Variants in TET1 observed in about 807,000 individuals in gnomAD.
The protein encoded by TET1 is methylcytosine dioxygenase TET1.
A neutral mutation model predicts 148.7 loss-of-function variants in TET1; 13 were observed. The observed-to-expected ratio is 0.09, with a 90% CI of 0.06 to 0.14. The LOEUF (loss-of-function observed/expected upper bound fraction) is 0.14. TET1 is among the 10% of genes least tolerant of loss of function. TET1 has a pLI of 1.00. For synonymous variants in TET1, 907 were observed against 937.2 expected (o/e 0.97, Z 0.59); for missense variants, 2,182 against 2,553.8 (o/e 0.85, Z 3.14).
intron 2 of TET1, among the ~76,000 whole-genome samples, chr10:68,597,176 G>T (rs909420899): frequency 6.6e-6 from 1 of 151,626 alleles, no homozygotes. Context: ...TGGGACTATA[G>T]GTGCATGCCA....
rs775113262 is a variant in TET1 at position 68,645,512 on chromosome 10, A to G, written c.2783A>G (p.Asn928Ser). The G allele has an allele frequency of 2.5e-6, 4 of 1,613,984 alleles. No homozygotes were observed. Among genetic ancestry groups the G allele is most frequent in the Admixed American group, 3.3e-5 (2 of 60,010 alleles). The change falls in exon 4 of 12, where the codon AAT becomes AGT. Residue 928 changes from asparagine to serine, a missense_variant. Transcript: ENST00000373644. ...ESEQRTASLL[N>S]SCKAILYTVR... The stretch of plus-strand genomic sequence containing the variant: ...GAGCAGAGAACAGCCAGTTTGCTTA[A>G]TAGCTGCAAAGCTATCCTCTACACT...
intron 3 of TET1, chr10:68,632,791 T>A (rs1564980425): frequency 2.4e-6 from 3 of 1,231,798 alleles, no homozygotes; most frequent in Non-Finnish European, 3.5e-6. Flanking sequence ...ATAAAACATT[T>A]CATGTGCAAT....
chr10:68,607,866 G>T (rs1301799581), intron 3 of TET1, among the ~76,000 whole-genome samples: 1 of 149,306 alleles, frequency 6.7e-6, no homozygotes, highest in East Asian at 1.9e-4. Context: ...CATTTTCAAA[G>T]ATTTGATGGT....
intron 1 of TET1, among the ~76,000 whole-genome samples, chr10:68,566,138 G>C (rs1273728456): frequency 2.0e-5 from 3 of 152,150 alleles, no homozygotes; most frequent in Non-Finnish European, 4.4e-5. Context: ...TTTCAAAGCA[G>C]ATCCCATGAC....
At chr10:68,652,845 A>ATTTTTTTT (rs71019047) in intron 6 of TET1, among the ~76,000 whole-genome samples, 1 of 101,214 alleles carries the variant, frequency 9.9e-6, no homozygotes, top group African/African-American at 3.9e-5. Context: ...AACCCGGCTA[A>ATTTTTTTT]TTTTTTTTTT....
At chr10:68,566,637 A>G (rs1368919118) in intron 1 of TET1, among the ~76,000 whole-genome samples, 2 of 152,154 alleles carry the variant, frequency 1.3e-5, no homozygotes. Flanking sequence ...TGTCTATTTT[A>G]AAAGTCTTAA....
At chr10:68,647,095 G>A in intron 4 of TET1, 90 bp downstream of exon 4, 1 of 1,395,288 alleles carries the variant, frequency 7.2e-7, no homozygotes, top group African/African-American at 1.4e-5. Context: ...TTTTTTGTGT[G>A]ATATTTTTTC....
chr10:68,628,633 T>C (rs1020577756), intron 3 of TET1, among the ~76,000 whole-genome samples: 1 of 152,136 alleles, frequency 6.6e-6, no homozygotes, highest in African/African-American at 2.4e-5. Context: ...CTGAAGCTGG[T>C]GAAGAAATGT....
chr10:68,578,159 G>A (rs1040755862), intron 2 of TET1, among the ~76,000 whole-genome samples: 5 of 151,774 alleles, frequency 3.3e-5, no homozygotes, highest in Non-Finnish European at 7.4e-5. Context: ...TGCTGGGCGC[G>A]GTGGCTGGCA....
chr10:68,579,543 A>G (rs961280155), intron 2 of TET1, among the ~76,000 whole-genome samples: 1 of 152,248 alleles, frequency 6.6e-6, no homozygotes, highest in Admixed American at 6.5e-5. Context: ...CACCAGGGAA[A>G]TCAGGAAGCT....
intron 3 of TET1, among the ~76,000 whole-genome samples, chr10:68,642,893 C>T (rs2054780173): frequency 6.6e-6 from 1 of 152,254 alleles, no homozygotes; most frequent in Non-Finnish European, 1.5e-5. Flanking sequence ...GTATGCGCTA[C>T]TGTACCCAGC....
Position 68,574,038 on chromosome 10 carries a change from C to G in TET1, c.1700C>G (p.Pro567Arg). 1 of 1,614,128 alleles carries G rather than the reference C, an allele frequency of 6.2e-7. No homozygotes were observed. Among genetic ancestry groups the G allele is most frequent in the Non-Finnish European group, 8.5e-7 (1 of 1,180,040 alleles). ...VNTTVVTMPV[P>R]MVSTSSSSYT... Reference sequence around the variant, plus strand: ...ACCACAGTGGTGACTATGCCAGTGCCAATGGTCAGTACCTCCTCTTCTTCC... The same window carrying G: ...ACCACAGTGGTGACTATGCCAGTGCGAATGGTCAGTACCTCCTCTTCTTCC... The change falls in exon 2 of 12, where the codon CCA becomes CGA. Residue 567 changes from proline to arginine, a missense_variant. Physicochemically the swap from Pro to Arg is moderately radical, Grantham distance 103 (BLOSUM62 -2). This residue lies in a region of TET1 where 665 missense variants were observed against 672.4 expected (regional missense o/e 0.99). Coordinates refer to ENST00000373644, the MANE Select transcript of TET1 (RefSeq NM_030625.3).
intron 1 of TET1, among the ~76,000 whole-genome samples, chr10:68,567,202 A>C (rs1226036563): frequency 1.3e-5 from 2 of 152,176 alleles, no homozygotes; most frequent in Non-Finnish European, 2.9e-5. Flanking sequence ...AAACCTCAAA[A>C]CTACCTCATT....
At chr10:68,580,782 CAAAAA>C (rs71483915) in intron 2 of TET1, among the ~76,000 whole-genome samples, 2,619 of 95,146 alleles carry the variant, frequency 0.028, 96 homozygotes, top group African/African-American at 0.085. Context: ...AACTCCATCT[CAAAAA>C]AAAAAAAAAA....
intron 11 of TET1, among the ~76,000 whole-genome samples, chr10:68,688,350 G>A (rs1385071633): frequency 1.3e-5 from 2 of 150,992 alleles, no homozygotes; most frequent in Admixed American, 6.6e-5. Flanking sequence ...CACCCGCCTC[G>A]GCCTCACAAA....
chr10:68,580,805 AAT>A (rs1554930544), intron 2 of TET1, among the ~76,000 whole-genome samples: 69 of 94,348 alleles, frequency 7.3e-4, no homozygotes, highest in Non-Finnish European at 9.8e-4. Context: ...AAAAAAAAAA[AAT>A]ATATATATAT....
intron 2 of TET1, among the ~76,000 whole-genome samples, chr10:68,597,383 C>G (rs1462845003): frequency 6.6e-6 from 1 of 152,026 alleles, no homozygotes; most frequent in Non-Finnish European, 1.5e-5. Context: ...GGCCACTTTA[C>G]TAAATATTGA....
intron 1 of TET1, among the ~76,000 whole-genome samples, chr10:68,564,234 C>T (rs998736524): frequency 3.3e-5 from 5 of 151,454 alleles, no homozygotes; most frequent in Non-Finnish European, 5.9e-5. Flanking sequence ...CTGCAACCTT[C>T]ATCTCCTGGG....
chr10:68,654,375 G>A (rs1017318352), intron 6 of TET1, among the ~76,000 whole-genome samples: 1 of 152,088 alleles, frequency 6.6e-6, no homozygotes, highest in Non-Finnish European at 1.5e-5. Context: ...CAGCACTATG[G>A]GAGGCCGAGT....
Sources: gnomAD v4.1 joint callset for allele counts (sites outside exome capture counted in the v4.1 genomes callset) on GRCh38, gnomAD v4.1.1 for gene constraint, gnomAD v4.1.1 regional missense constraint, MANE v1.5 for transcripts, NCBI Gene and HGNC (gene_info 2026-07-23, HGNC 2026-07-21) for gene names.